LRRIQ1: variants seen among roughly 807,000 people sequenced by gnomAD.
LRRIQ1 encodes the protein leucine-rich repeat- and IQ domain-containing protein 1.
Under a neutral mutation model 211.9 loss-of-function variants are expected in LRRIQ1, and 210 were observed. The observed-to-expected ratio is 0.99, with a 90% CI of 0.89 to 1.11. The LOEUF is 1.11. Among genes scored for constraint, LRRIQ1 ranks in the 50% most tolerant of loss-of-function variants. The pLI is 0.00. For synonymous variants in LRRIQ1, 699 were observed against 650.1 expected (o/e 1.08, Z -1.14); for missense variants, 2,136 against 1,939.5 (o/e 1.10, Z -1.90).
intron 24 of LRRIQ1, among the ~76,000 whole-genome samples, chr12:85,203,517 C>T (rs1893399209): frequency 6.6e-6 from 1 of 152,056 alleles, no homozygotes; most frequent in Admixed American, 6.6e-5. Flanking sequence ...TTCCTGGAGA[C>T]TGTTGAGTGG....
chr12:85,246,540 T>C (rs1001715997), downstream of LRRIQ1, among the ~76,000 whole-genome samples: 8 of 151,464 alleles, frequency 5.3e-5, no homozygotes, highest in Non-Finnish European at 1.0e-4. Context: ...CATGAATAGC[T>C]CAATAAATCA....
chr12:85,216,566 T>C (rs191288951), intron 24 of LRRIQ1, among the ~76,000 whole-genome samples: 1 of 151,282 alleles, frequency 6.6e-6, no homozygotes, highest in Admixed American at 6.6e-5. Context: ...ATACACATAG[T>C]ATATGTAAAA....
At chr12:85,216,015 A>G (rs1026971868) in intron 24 of LRRIQ1, among the ~76,000 whole-genome samples, 2 of 152,178 alleles carry the variant, frequency 1.3e-5, no homozygotes, top group African/African-American at 4.8e-5. Context: ...TAAGAGAAGC[A>G]AGACCTTTTC....
intron 24 of LRRIQ1, among the ~76,000 whole-genome samples, chr12:85,224,354 A>T (rs138060690): frequency 2.2e-3 from 333 of 152,144 alleles, no homozygotes; most frequent in African/African-American, 7.7e-3. Flanking sequence ...AGAACCAGAA[A>T]TACCATTTGA....
At chr12:85,220,228 A>G (rs1270517972) in intron 24 of LRRIQ1, among the ~76,000 whole-genome samples, 1 of 152,154 alleles carries the variant, frequency 6.6e-6, no homozygotes, top group Non-Finnish European at 1.5e-5. Context: ...AATGAAACCA[A>G]GAGTATTTTA....
intron 19 of LRRIQ1, among the ~76,000 whole-genome samples, chr12:85,151,951 A>C (rs7974623): frequency 6.6e-6 from 1 of 151,502 alleles, no homozygotes; most frequent in African/African-American, 2.4e-5. Flanking sequence ...GAGCTAAAAA[A>C]ATGACTTTAC....
At chr12:85,205,284 A>G (rs1487650304) in intron 24 of LRRIQ1, among the ~76,000 whole-genome samples, 1 of 152,198 alleles carries the variant, frequency 6.6e-6, no homozygotes, top group Non-Finnish European at 1.5e-5. Context: ...TATCAGCAGC[A>G]TGAAAATAGA....
intron 7 of LRRIQ1, among the ~76,000 whole-genome samples, chr12:85,053,279 A>C (rs1034271735): frequency 4.6e-5 from 7 of 152,170 alleles, no homozygotes; most frequent in African/African-American, 1.4e-4. Flanking sequence ...ATAATGGTTA[A>C]AAAGATTTCA....
At chr12:85,137,624 T>C (rs1889225888) in intron 18 of LRRIQ1, among the ~76,000 whole-genome samples, 1 of 151,646 alleles carries the variant, frequency 6.6e-6, no homozygotes, top group South Asian at 2.1e-4. Context: ...TTAAAGATTC[T>C]TTTTTGCTTA....
chr12:85,269,791 C>T, the LRRIQ1 span, among the ~76,000 whole-genome samples: 1 of 152,052 alleles, frequency 6.6e-6, no homozygotes, highest in East Asian at 1.9e-4. Context: ...ATTGGAATGC[C>T]TTTCTATCTT....
intron 23 of LRRIQ1, among the ~76,000 whole-genome samples, chr12:85,157,926 C>T (rs893396399): frequency 2.6e-5 from 4 of 151,616 alleles, no homozygotes; most frequent in Admixed American, 6.6e-5. Context: ...TATAGCAAAG[C>T]CATCAGATTG....
intron 11 of LRRIQ1, 45 bp downstream of exon 11, chr12:85,073,143 T>G: frequency 1.4e-6 from 2 of 1,434,524 alleles, no homozygotes; most frequent in Non-Finnish European, 9.6e-7. Context: ...TATGGATTTC[T>G]AGAGGAGGTA....
intron 18 of LRRIQ1, among the ~76,000 whole-genome samples, chr12:85,135,615 T>A (rs1198956001): frequency 7.5e-6 from 1 of 133,396 alleles, no homozygotes; most frequent in Non-Finnish European, 1.6e-5. Context: ...TACCAATTTT[T>A]AGATTAATGA....
At chr12:85,182,664 C>T (rs1416121258) in intron 24 of LRRIQ1, among the ~76,000 whole-genome samples, 2 of 152,080 alleles carry the variant, frequency 1.3e-5, no homozygotes, top group Non-Finnish European at 2.9e-5. Context: ...AATATTTTCT[C>T]ATTTTTAAGG....
At chr12:85,164,594 A>G (rs1385662602) in intron 24 of LRRIQ1, among the ~76,000 whole-genome samples, 1 of 152,156 alleles carries the variant, frequency 6.6e-6, no homozygotes, top group East Asian at 1.9e-4. Context: ...TCCATTTATT[A>G]TTAAGTACTG....
intron 17 of LRRIQ1, 137 bp downstream of exon 17, chr12:85,124,656 C>T (rs933633027): frequency 6.9e-5 from 47 of 677,010 alleles, no homozygotes; most frequent in Non-Finnish European, 9.9e-5. Flanking sequence ...ATTATGTTTT[C>T]GTGAGGTGCA....
intron 24 of LRRIQ1, among the ~76,000 whole-genome samples, chr12:85,211,349 A>G (rs1384807901): frequency 1.3e-5 from 2 of 152,216 alleles, no homozygotes; most frequent in South Asian, 2.1e-4. Context: ...CTTTGTAACC[A>G]TAAGTGTATA....
rs1283189584 is a variant in LRRIQ1 at position 85,229,591 on chromosome 12, C to A, written c.4897C>A (p.Gln1633Lys). Residue 1633 changes from glutamine to lysine, a missense_variant, in exon 25 of 27, where the codon CAA (glutamine) becomes AAA (lysine). Coordinates refer to ENST00000393217, the MANE Select transcript of LRRIQ1 (RefSeq NM_001079910.2). Reference protein sequence around the residue: ...KLERNREYTYQWLHTQVGVHE... With the variant: ...KLERNREYTYKWLHTQVGVHE... ...AGAACGGAATAGAGAATATACATAC[C>A]AATGGCTTCACACACAGGTTGGGGT... is the stretch of plus-strand genomic sequence containing the variant. 1 of 1,612,740 alleles carries A rather than the reference C, an allele frequency of 6.2e-7. No homozygotes were observed. Among genetic ancestry groups the A allele is most frequent in the Non-Finnish European group, 8.5e-7 (1 of 1,179,254 alleles).
At position 85,056,662 on chromosome 12, in the gene LRRIQ1, T is replaced by C. The variant is rs751867672; in HGVS notation, c.1869T>C (p.Asp623=). 2 of 1,603,166 alleles carry C rather than the reference T, an allele frequency of 1.2e-6. No individual in the cohort carries two copies. The highest frequency in any genetic ancestry group is 1.1e-5 in the South Asian group (1 of 88,570). Reference sequence around the variant, plus strand: ...CACTAACATCAGAAAATTCCAAAGATGTAAGAGAAAACGTAATATTACAAG... The same window carrying C: ...CACTAACATCAGAAAATTCCAAAGACGTAAGAGAAAACGTAATATTACAAG... ...SLSLTSENSK[D]VRENVILQEK... Residue 623 remains aspartate, a synonymous_variant, in exon 8 of 27, where the codon GAT becomes GAC. Coordinates refer to ENST00000393217, the MANE Select transcript of LRRIQ1 (RefSeq NM_001079910.2).
Sources: gnomAD v4.1 joint callset for allele counts (sites outside exome capture counted in the v4.1 genomes callset) on GRCh38, gnomAD v4.1.1 for gene constraint, MANE v1.5 for transcripts, NCBI Gene and HGNC (gene_info 2026-07-23, HGNC 2026-07-21) for gene names.